Variants in VANGL1 observed in about 807,000 individuals in gnomAD.
VANGL1 encodes vang-like protein 1.
A neutral mutation model predicts 48.4 loss-of-function variants in VANGL1; 18 were observed. The observed-to-expected ratio is 0.37, with a 90% CI of 0.26 to 0.55. The LOEUF (loss-of-function observed/expected upper bound fraction) is 0.55, where lower values mean the gene tolerates loss of function less well. VANGL1 is among the 20% of genes least tolerant of loss of function. The pLI, the probability that VANGL1 is intolerant of heterozygous loss-of-function variation, is 0.81. For missense variants in VANGL1, 667 were observed against 675.8 expected (o/e 0.99, Z 0.14); for synonymous variants, 257 against 261.8 (o/e 0.98, Z 0.18).
rs773079760 is a variant in VANGL1 at position 115,685,532 on chromosome 1, G to A, written c.1314+5G>A. ...ACCAACGGCATGACCCCCAAGGTGC[G>A]CTGCTCCGGGCGGGCTCTGCCACCG... On this transcript the variant is annotated splice_donor_5th_base_variant and intron_variant, in intron 7 of 7. Transcript: ENST00000355485. 16 of 1,613,436 alleles carry A rather than the reference G, an allele frequency of 9.9e-6. No homozygotes were observed. The highest frequency in any genetic ancestry group is 5.0e-5 in the Admixed American group (3 of 59,952).
intron 5 of VANGL1, among the ~76,000 whole-genome samples, chr1:115,683,463 T>G (rs1653467419): frequency 6.6e-6 from 1 of 152,216 alleles, no homozygotes; most frequent in Non-Finnish European, 1.5e-5. Flanking sequence ...ATAGCTTGCT[T>G]TCCATTGTAG....
intron 4 of VANGL1, among the ~76,000 whole-genome samples, 184 bp downstream of exon 4, chr1:115,664,452 C>A (rs980405547): frequency 2.0e-5 from 3 of 152,104 alleles, no homozygotes; most frequent in African/African-American, 7.2e-5. Flanking sequence ...TTCTGGACTT[C>A]TAGATGGTGC....
chr1:115,680,588 A>C (rs1432724650), intron 4 of VANGL1, among the ~76,000 whole-genome samples: 1 of 152,168 alleles, frequency 6.6e-6, no homozygotes, highest in African/African-American at 2.4e-5. Flanking sequence ...ATCTAGGACG[A>C]TATTAAGTAC....
At chr1:115,648,513 G>A (rs1652018499) in intron 1 of VANGL1, among the ~76,000 whole-genome samples, 1 of 152,194 alleles carries the variant, frequency 6.6e-6, no homozygotes, top group South Asian at 2.1e-4. Flanking sequence ...CAAGCCTGGA[G>A]TTGTCTTAAT....
intron 4 of VANGL1, among the ~76,000 whole-genome samples, chr1:115,677,768 G>A (rs931965877): frequency 6.6e-6 from 1 of 152,104 alleles, no homozygotes; most frequent in African/African-American, 2.4e-5. Context: ...TATACTTCAG[G>A]CTCCCCCTGA....
At chr1:115,666,665 G>A (rs1652804220) in intron 4 of VANGL1, among the ~76,000 whole-genome samples, 1 of 152,202 alleles carries the variant, frequency 6.6e-6, no homozygotes, top group African/African-American at 2.4e-5. Flanking sequence ...TTTTGAGGTG[G>A]TCCCCAGCCT....
chr1:115,642,287 T>C (rs182173086), intron 1 of VANGL1, among the ~76,000 whole-genome samples: 5 of 151,728 alleles, frequency 3.3e-5, no homozygotes, highest in African/African-American at 1.2e-4. Flanking sequence ...CGGGTAGTGC[T>C]TCCTCTGACT....
In VANGL1 at chr1:115,681,491, C is replaced by CTTT. The variant is rs1287173554; in HGVS notation, c.813-867_813-865dup. Reference sequence around the variant, plus strand: ...ATCAAGTGGTCTCAGCGGAGGCTCTCTTTTTTTTGTTGTTTTTTTTGTTTT... The same window carrying CTTT: ...ATCAAGTGGTCTCAGCGGAGGCTCTCTTTTTTTTTTTGTTGTTTTTTTTGTTTT... On this transcript the variant is annotated intron_variant, in intron 4 of 7. Coordinates refer to ENST00000355485, the MANE Select transcript of VANGL1 (RefSeq NM_138959.3). Among the ~76,000 whole-genome samples the CTTT allele has an allele frequency of 2.2e-3, 245 of 113,694 alleles. 5 individuals are homozygous for CTTT. In the East Asian group the frequency reaches 0.027, roughly 13 times the overall value. 74.6% of individuals were successfully genotyped at this position (113,694 alleles called of 152,430 possible). A position where few individuals can be genotyped will look rare whatever the true frequency, so the allele number is the denominator to read the frequency against.
chr1:115,675,968 G>C (rs530506600), intron 4 of VANGL1, among the ~76,000 whole-genome samples: 1 of 152,206 alleles, frequency 6.6e-6, no homozygotes, highest in East Asian at 1.9e-4. Context: ...GTGGCTAGGA[G>C]CTGTGTGTAT....
At chr1:115,656,146 G>T (rs1055413195) in intron 2 of VANGL1, among the ~76,000 whole-genome samples, 1 of 152,220 alleles carries the variant, frequency 6.6e-6, no homozygotes, top group Admixed American at 6.5e-5. Context: ...GTGGGTGGAA[G>T]GTTCTTGGCT....
chr1:115,684,426 C>T (rs888971438), intron 6 of VANGL1, among the ~76,000 whole-genome samples: 1 of 152,180 alleles, frequency 6.6e-6, no homozygotes, highest in Non-Finnish European at 1.5e-5. Context: ...AGGCATGAGC[C>T]ACCATGCCCG....
chr1:115,682,372 G>A lies in VANGL1; in HGVS notation c.821G>A (p.Arg274Gln), dbSNP rs121918219. The change falls in exon 5 of 8, where the codon CGA becomes CAA. Residue 274 changes from arginine to glutamine, a missense_variant. Coordinates refer to ENST00000355485, the MANE Select transcript of VANGL1 (RefSeq NM_138959.3). ...TGTTCTTTTTTTCTCAGTATCCAGC[G>A]AGCAGCATTGGTGGTCCTAGAAAAT... ...FYSLGHLSIQ[R>Q]AALVVLENYY... 52 of 1,613,970 alleles carry A rather than the reference G, an allele frequency of 3.2e-5. No individual in the cohort carries two copies. Among genetic ancestry groups the A allele is most frequent in the African/African-American group, 1.1e-4 (8 of 74,900 alleles).
chr1:115,658,957 ACACAAACACACACACATCCACC>A (rs1039367015), intron 2 of VANGL1, among the ~76,000 whole-genome samples: 5 of 151,882 alleles, frequency 3.3e-5, no homozygotes, highest in African/African-American at 1.2e-4. Flanking sequence ...ACACACACAC[ACACAAACACACACACATCCACC>A]CACACACCCT....
chr1:115,667,040 C>T (rs1252528116), intron 4 of VANGL1, among the ~76,000 whole-genome samples: 2 of 152,116 alleles, frequency 1.3e-5, no homozygotes, highest in African/African-American at 2.4e-5. Context: ...GAAGAGGGAG[C>T]GGGAATAGAC....
In VANGL1 at chr1:115,691,326, G is replaced by A. The variant is rs1653826818; in HGVS notation, c.1522G>A (p.Asp508Asn). The A allele has an allele frequency of 2.5e-6, 4 of 1,613,940 alleles. No individual in the cohort carries two copies. The East Asian group carries it at 8.9e-5, about 36-fold the overall frequency. ...CATCATACTCTCTGAAGAGTTCATA[G>A]ACCCCAAATCTCACAAATTTGTCCT... ...PFIILSEEFI[D>N]PKSHKFVLRL... Residue 508 changes from aspartate to asparagine, a missense_variant, in exon 8 of 8, where the codon GAC (aspartate) becomes AAC (asparagine). Asp to Asn is a conservative substitution (Grantham distance 23, BLOSUM62 1). Transcript: ENST00000355485.
At chr1:115,684,206 T>G in intron 6 of VANGL1, 130 bp downstream of exon 6, 1 of 1,009,976 alleles carries the variant, frequency 9.9e-7, no homozygotes. Flanking sequence ...TGGCAAGATC[T>G]TGGCTCACTG....
chr1:115,676,621 C>G (rs964844041), intron 4 of VANGL1, among the ~76,000 whole-genome samples: 1 of 152,196 alleles, frequency 6.6e-6, no homozygotes, highest in African/African-American at 2.4e-5. Context: ...GGGTGAACTC[C>G]CAAGTCTCCA....
At chr1:115,667,182 A>G (rs961233602) in intron 4 of VANGL1, among the ~76,000 whole-genome samples, 3 of 152,202 alleles carry the variant, frequency 2.0e-5, no homozygotes, top group African/African-American at 7.2e-5. Context: ...AGCGATGGTG[A>G]GTTCTTTTTT....
chr1:115,668,356 A>G (rs1276553817), intron 4 of VANGL1, among the ~76,000 whole-genome samples: 1 of 152,190 alleles, frequency 6.6e-6, no homozygotes, highest in Non-Finnish European at 1.5e-5. Flanking sequence ...TTAGGGCTGG[A>G]ACAGAGAGAA....
Sources: allele counts gnomAD v4.1 joint callset (sites outside exome capture counted in the v4.1 genomes callset), GRCh38; gene constraint gnomAD v4.1.1; transcripts MANE v1.5; gene names NCBI Gene and HGNC (gene_info 2026-07-23, HGNC 2026-07-21).